The following NINJ1 variants were observed in gnomAD, a reference collection of about 807,000 sequenced individuals.
NINJ1 encodes ninjurin 1.
Under a neutral mutation model 12.7 loss-of-function variants are expected in NINJ1, and 6 were observed. The ratio of observed to expected loss-of-function variants is 0.47; its 90% CI spans 0.26 to 0.93. The LOEUF is 0.93. NINJ1 is among the 40% of genes least tolerant of loss of function. The probability of loss-of-function intolerance (pLI) is 0.15; values close to 1 mark genes in which losing one functional copy is unlikely to be tolerated. For synonymous variants in NINJ1, 100 were observed against 96.0 expected, an observed-to-expected ratio of 1.04 and a Z score of -0.25; for missense variants, 170 against 213.0, an observed-to-expected ratio of 0.80 and a Z score of 1.26.
At position 93,134,195 on chromosome 9, in the gene NINJ1, T is replaced by C. The variant is rs1459805114; in HGVS notation, c.23A>G (p.Tyr8Cys). ...CGGAGGCAGGCCGCCGTTGAGCTCG[T>C]ACTCCTCGGTTCCCGAGTCCATGGT... MDSGTEE[Y>C]ELNGGLPPGT... The change falls in exon 1 of 4, where the codon TAC (tyrosine) becomes TGC (cysteine). Residue 8 changes from tyrosine to cysteine, a missense_variant. Physicochemically the swap from Tyr to Cys is radical, Grantham distance 194 (BLOSUM62 -2). Coordinates refer to ENST00000375446, the MANE Select transcript of NINJ1 (RefSeq NM_004148.4). 4 of 1,534,106 alleles carry C rather than the reference T, an allele frequency of 2.6e-6. No individual in the cohort carries two copies. The East Asian group carries it at 7.5e-5, about 29-fold the overall frequency.
chr9:93,128,362 T>C (rs1388227001), intron 1 of NINJ1, among the ~76,000 whole-genome samples: 1 of 152,234 alleles, frequency 6.6e-6, no homozygotes, highest in Non-Finnish European at 1.5e-5. Context: ...TCTCCCATTC[T>C]ACAGACCAGC....
rs1475192065 is a variant in NINJ1, at chr9:93,126,561, C to T, written c.153G>A (p.Met51Ile). The T allele has an allele frequency of 6.2e-7, 1 of 1,614,090 alleles. No homozygotes were observed. Among genetic ancestry groups the T allele is most frequent in the South Asian group, 1.1e-5 (1 of 91,070 alleles). Residue 51 changes from methionine (M) to isoleucine (I), a missense_variant, in exon 2 of 4, where the codon ATG becomes ATA. Met to Ile is a conservative substitution (Grantham distance 10, BLOSUM62 1). Coordinates refer to ENST00000375446, the MANE Select transcript of NINJ1 (RefSeq NM_004148.4). ...TGGCCATCAGCAGCGCGATGTCCAG[C>T]ATGCTCTCGGCTGCGCTCTTCTTGC... ...YASKKSAAES[M>I]LDIALLMANA...
At position 93,132,586 on chromosome 9, in the gene NINJ1, C is replaced by T. The variant is rs149270205; in HGVS notation, c.75+1557G>A. ...CCTGACCACCATGCCCCGCCCCCCA[C>T]GATGGGCTCCCAGCCCCCAGGGAAC... On this transcript the variant is annotated intron_variant, in intron 1 of 3. Transcript: ENST00000375446. Among the ~76,000 whole-genome samples the T allele has an allele frequency of 4.2e-3, 646 of 152,328 alleles. 6 individuals are homozygous for T. The highest frequency in any genetic ancestry group is 0.014 in the African/African-American group (602 of 41,586).
chr9:93,129,604 G>A (rs921014401), intron 1 of NINJ1, among the ~76,000 whole-genome samples: 5 of 152,148 alleles, frequency 3.3e-5, no homozygotes, highest in African/African-American at 9.7e-5. Flanking sequence ...CTCCCCCTCC[G>A]TATATCTAGG....
intron 1 of NINJ1, among the ~76,000 whole-genome samples, chr9:93,131,956 G>A (rs867590642): frequency 6.6e-6 from 1 of 152,186 alleles, no homozygotes. Flanking sequence ...TGGGCAAAGC[G>A]CTGCCCTCTC....
intron 2 of NINJ1, 35 bp from the exon 3 acceptor site, chr9:93,125,097 CAGCCCA>C (rs1250898645): frequency 1.3e-6 from 2 of 1,585,732 alleles, no homozygotes; most frequent in Non-Finnish European, 1.7e-6. Flanking sequence ...GTGCCAAGGG[CAGCCCA>C]GACGCAGCGC....
chr9:93,126,896 T>C (rs1827821766), intron 1 of NINJ1, among the ~76,000 whole-genome samples: 1 of 152,144 alleles, frequency 6.6e-6, no homozygotes, highest in Admixed American at 6.5e-5. Flanking sequence ...GCACTCTGAT[T>C]TTCCACTGGA....
At chr9:93,122,682 G>A (rs1827752206) in intron 3 of NINJ1, among the ~76,000 whole-genome samples, 1 of 152,158 alleles carries the variant, frequency 6.6e-6, no homozygotes, top group Non-Finnish European at 1.5e-5. Flanking sequence ...GCCCAGCATG[G>A]GGGGCTCGGG....
At chr9:93,125,951 C>A (rs1241858379) in intron 2 of NINJ1, 1 of 168,618 alleles carries the variant, frequency 5.9e-6, no homozygotes, top group Non-Finnish European at 1.3e-5. Flanking sequence ...TGCCTGTAAT[C>A]CCAGTATTTT....
At chr9:93,131,955 C>T (rs1178664327) in intron 1 of NINJ1, among the ~76,000 whole-genome samples, 3 of 152,218 alleles carry the variant, frequency 2.0e-5, no homozygotes, top group East Asian at 3.8e-4. Context: ...CTGGGCAAAG[C>T]GCTGCCCTCT....
intron 1 of NINJ1, 30 bp downstream of exon 1, chr9:93,134,113 G>T: frequency 6.6e-7 from 1 of 1,519,330 alleles, no homozygotes; most frequent in East Asian, 2.5e-5. Flanking sequence ...GGCCTGGCAA[G>T]ATCATGCAGC....
chr9:93,126,974 C>G (rs1827823627), intron 1 of NINJ1, among the ~76,000 whole-genome samples: 2 of 152,114 alleles, frequency 1.3e-5, no homozygotes, highest in Non-Finnish European at 2.9e-5. Flanking sequence ...CCCTACCGGT[C>G]TGTGCCCCCG....
intron 1 of NINJ1, among the ~76,000 whole-genome samples, chr9:93,127,378 G>A (rs1026992046): frequency 6.6e-6 from 1 of 152,174 alleles, no homozygotes; most frequent in Non-Finnish European, 1.5e-5. Flanking sequence ...TTGCCTTAGG[G>A]GCCTATCTGG....
In NINJ1 at chr9:93,134,137, T is replaced by A; in HGVS notation, c.75+6A>T. On this transcript the variant is annotated splice_donor_region_variant and intron_variant, in intron 1 of 3. Coordinates refer to ENST00000375446, the MANE Select transcript of NINJ1 (RefSeq NM_004148.4). ...AGATCATGCAGCGGTGGGGGGAAGG[T>A]CTTACCGAGGCGTCCGGGGAGCCGG... 6.4e-7 allele frequency: 1 copy of A among 1,554,022 alleles called. No homozygotes were observed. The highest frequency in any genetic ancestry group is 1.4e-5 in the African/African-American group (1 of 72,828).
At chr9:93,126,336 A>G in intron 2 of NINJ1, 74 bp downstream of exon 2, 1 of 1,324,952 alleles carries the variant, frequency 7.5e-7, no homozygotes, top group Non-Finnish European at 1.1e-6. Flanking sequence ...GGTGGTGGGC[A>G]CCTGTCCCAG....
intron 1 of NINJ1, among the ~76,000 whole-genome samples, chr9:93,128,480 G>A (rs1010097627): frequency 1.1e-4 from 16 of 152,336 alleles, no homozygotes; most frequent in Admixed American, 1.0e-3. Flanking sequence ...CAGGGTCTGG[G>A]TGAGGACAGC....
At chr9:93,126,275 TG>T (rs993826178) in intron 2 of NINJ1, 134 bp downstream of exon 2, 1 of 672,596 alleles carries the variant, frequency 1.5e-6, no homozygotes, top group African/African-American at 1.8e-5. Flanking sequence ...ACTGCATGTC[TG>T]GGTGATGAGG....
Position 93,123,287 on chromosome 9 carries a change from A to AT in NINJ1, c.*10-1058dup, listed in dbSNP as rs1014605153. Among the ~76,000 whole-genome samples the AT allele has an allele frequency of 6.5e-3, 949 of 146,638 alleles. 9 individuals are homozygous for AT. The highest frequency in any genetic ancestry group is 0.021 in the African/African-American group (861 of 40,248). ...CATCCTCACTATGCCCTCTTGGGGAATTTTTTTTTTTTCCCGAGATGGAGT... is the reference window on the plus strand; with the variant it reads ...CATCCTCACTATGCCCTCTTGGGGAATTTTTTTTTTTTTCCCGAGATGGAGT... On this transcript the variant is annotated intron_variant, in intron 3 of 3. Coordinates refer to ENST00000375446, the MANE Select transcript of NINJ1 (RefSeq NM_004148.4).
chr9:93,122,019 C>T lies in NINJ1; in HGVS notation c.*221G>A, dbSNP rs1204146285. The T allele has an allele frequency of 6.6e-6, 1 of 152,472 alleles. No individual in the cohort carries two copies. The highest frequency in any genetic ancestry group is 1.5e-5 in the Non-Finnish European group (1 of 68,218). The allele number at this position is 152,472 out of a possible 1,614,324, so 9.4% of individuals were successfully genotyped here. The stretch of plus-strand genomic sequence containing the variant: ...CCCATGTGCCAGGAGGGAGCTGCCT[C>T]CTGGGAACAGCTGCTGAGAGACAAG... On this transcript the variant is annotated 3_prime_UTR_variant, in exon 4 of 4. Transcript: ENST00000375446.
Sources: gnomAD v4.1 joint callset for allele counts (sites outside exome capture counted in the v4.1 genomes callset) on GRCh38, gnomAD v4.1.1 for gene constraint, MANE v1.5 for transcripts, NCBI Gene and HGNC (gene_info 2026-07-23, HGNC 2026-07-21) for gene names.